Variants in PTX4 observed in about 807,000 individuals in gnomAD.
The protein encoded by PTX4 is pentraxin-4.
PTX4 carries 23 observed loss-of-function variants against 19.1 expected under a neutral mutation model. The observed-to-expected ratio is 1.20, with a 90% confidence interval of 0.87 to 1.70. The LOEUF (loss-of-function observed/expected upper bound fraction) is 1.70. Among genes scored for constraint, PTX4 ranks in the 40% most tolerant of loss-of-function variants. PTX4 has a pLI of 0.00. For missense variants in PTX4, 678 were observed against 610.5 expected (o/e 1.11, Z -1.17); for synonymous variants, 317 against 279.6 (o/e 1.13, Z -1.33).
chr16:1,486,367 A>G lies in PTX4; in HGVS notation c.1009T>C (p.Ser337Pro). The change falls in exon 3 of 3, where the codon TCC becomes CCC. Residue 337 changes from serine (S) to proline (P), a missense_variant. Transcript: ENST00000447419. The part of the protein sequence containing the change: ...LHGRDSLLPG[S>P]IHFVIGDPAF... ...GGGTCCCCGATCACGAAGTGGATGG[A>G]TCCGGGCAGCAGGGAGTCTCGGCCG... 2 of 1,613,874 alleles carry G rather than the reference A, an allele frequency of 1.2e-6. No homozygotes were observed. Among genetic ancestry groups the G allele is most frequent in the Non-Finnish European group, 8.5e-7 (1 of 1,179,970 alleles).
chr16:1,487,179 C>A (rs2039253485), intron 2 of PTX4, 137 bp downstream of exon 2: 3 of 815,808 alleles, frequency 3.7e-6, no homozygotes, highest in Admixed American at 3.6e-5. Flanking sequence ...TGGGCCACCC[C>A]CCCCGATGAT....
Position 1,486,185 on chromosome 16 carries a change from G to C in PTX4, c.1191C>G (p.Pro397=). Residue 397 remains proline, a synonymous_variant, in exon 3 of 3, where the codon CCC becomes CCG. Transcript: ENST00000447419. ...SRFREGYEIP[P]GGSLVLGQEQ... Reference sequence around the variant, plus strand: ...CCTGGCCCAGCACGAGGGACCCTCCGGGGGGGATCTCATAGCCCTCCCTGA... The same window carrying C: ...CCTGGCCCAGCACGAGGGACCCTCCCGGGGGGATCTCATAGCCCTCCCTGA... 3.1e-6 allele frequency: 5 copies of C among 1,613,428 alleles called. No homozygotes were observed. Among genetic ancestry groups the C allele is most frequent in the Middle Eastern group, 1.7e-4 (1 of 6,054 alleles).
In PTX4 at chr16:1,485,996, T is replaced by G; in HGVS notation, c.1380A>C (p.Ala460=). 6.2e-7 allele frequency: 1 copy of G among 1,613,362 alleles called. No homozygotes were observed. The highest frequency in any genetic ancestry group is 8.5e-7 in the Non-Finnish European group (1 of 1,179,966). Residue 460 remains alanine (A), a synonymous_variant, in exon 3 of 3, where the codon GCA becomes GCC. Coordinates refer to ENST00000447419, the MANE Select transcript of PTX4 (RefSeq NM_001328608.2). The stretch of plus-strand genomic sequence containing the variant: ...CCCCCTGCACAAATCCGCCTGCTAG[T>G]GCAGCATTGGCCAGCGTCAGGATGG... The part of the protein sequence containing the change: ...TGAILTLANA[A]LAGGFVQGAN...
At chr16:1,488,073 C>A in intron 1 of PTX4, 103 bp from the exon 2 acceptor site, 2 of 1,229,970 alleles carry the variant, frequency 1.6e-6, no homozygotes, top group South Asian at 2.9e-5. Flanking sequence ...GCCGCGTGCC[C>A]GGGCCACGGC....
chr16:1,487,112 C>T lies in PTX4; in HGVS notation c.796+204G>A, dbSNP rs114710845. Among the ~76,000 whole-genome samples the T allele has an allele frequency of 7.9e-3, 1,203 of 152,330 alleles. 27 individuals carry two copies. The highest frequency in any genetic ancestry group is 0.028 in the African/African-American group (1,145 of 41,582). On this transcript the variant is annotated intron_variant, in intron 2 of 2. Coordinates refer to ENST00000447419, the MANE Select transcript of PTX4 (RefSeq NM_001328608.2). ...CCCGCCACCTCTGCTTCTGCCCTCA[C>T]GCCCTCCTCTGACTGTGTTCCTCCT...
chr16:1,487,569 G>A lies in PTX4; in HGVS notation c.543C>T (p.Gly181=). The change falls in exon 2 of 3, where the codon GGC becomes GGT. Residue 181 remains glycine (G), a synonymous_variant. Coordinates refer to ENST00000447419, the MANE Select transcript of PTX4 (RefSeq NM_001328608.2). ...CCAGGGCCGGCCCGAGGGCTGCAGT[G>A]CCAGGGTGGGCCACGGGCAGCCGCC... ...LEGRLPVAHP[G]TAALGPALVP... 2 of 1,545,282 alleles carry A rather than the reference G, an allele frequency of 1.3e-6. No homozygotes were observed. The highest frequency in any genetic ancestry group is 1.7e-6 in the Non-Finnish European group (2 of 1,146,056).
intron 1 of PTX4, chr16:1,488,325 G>A (rs774540588): frequency 1.2e-6 from 2 of 1,610,784 alleles, no homozygotes; most frequent in East Asian, 2.2e-5. Context: ...GCTTTACGAG[G>A]CCCAAACAGG....
chr16:1,486,643 A>T, intron 2 of PTX4, 64 bp from the exon 3 acceptor site: 2 of 1,479,396 alleles, frequency 1.4e-6, no homozygotes, highest in Non-Finnish European at 1.8e-6. Flanking sequence ...CCAGAAGCAC[A>T]CGTGCTGTGG....
At position 1,488,833 on chromosome 16, in the gene PTX4, T is replaced by C. The variant is rs1436338476; in HGVS notation, c.77A>G (p.Gln26Arg). ...VPIYLHGASS[Q>R]EAAPVGPRKP... is the part of the protein sequence containing the mutation. ...CCTGGGCCCCACTGGGGCGGCTTCC[T>C]GCGATGAAGCCCCATGTAGATATAT... Residue 26 changes from glutamine to arginine, a missense_variant, in exon 1 of 3, where the codon CAG (glutamine) becomes CGG (arginine). Physicochemically the swap from Gln to Arg is conservative, Grantham distance 43. Transcript: ENST00000447419. 7.1e-6 allele frequency: 5 copies of C among 702,568 alleles called. No homozygotes were observed. In the Admixed American group the frequency reaches 1.0e-4, roughly 14 times the overall value. 43.5% of individuals were successfully genotyped at this position (702,568 alleles called of 1,614,324 possible). A position where few individuals can be genotyped will look rare whatever the true frequency, so the allele number is the denominator to read the frequency against.
rs372576163 is a variant in PTX4 at position 1,486,173 on chromosome 16, G to T, written c.1203C>A (p.Leu401=). Residue 401 remains leucine (L), a synonymous_variant, in exon 3 of 3, where the codon CTC becomes CTA. Coordinates refer to ENST00000447419, the MANE Select transcript of PTX4 (RefSeq NM_001328608.2). ...CGCTGTCTTGTTCCTGGCCCAGCAC[G>T]AGGGACCCTCCGGGGGGGATCTCAT... ...EGYEIPPGGS[L]VLGQEQDSVG... 2.5e-6 allele frequency: 4 copies of T among 1,614,020 alleles called. No homozygotes were observed. Among genetic ancestry groups the T allele is most frequent in the Non-Finnish European group, 3.4e-6 (4 of 1,179,972 alleles).
At position 1,488,005 on chromosome 16, in the gene PTX4, G is replaced by A. The variant is rs376746801; in HGVS notation, c.142-35C>T. ...GGACACGGTGATGATGGGGCGGGCCGGGCCGGGCCGGCTGGGCGGGACGGG... is the reference window on the plus strand; with the variant it reads ...GGACACGGTGATGATGGGGCGGGCCAGGCCGGGCCGGCTGGGCGGGACGGG... On this transcript the variant is annotated intron_variant, in intron 1 of 2. Coordinates refer to ENST00000447419, the MANE Select transcript of PTX4 (RefSeq NM_001328608.2). The A allele has an allele frequency of 1.2e-4, 176 of 1,528,260 alleles. No homozygotes were observed. The African/African-American group carries it at 1.2e-3, about 11-fold the overall frequency. The allele number at this position is 1,528,260 out of a possible 1,614,324, so 94.7% of individuals were successfully genotyped here.
chr16:1,486,947 G>A (rs2142423715), intron 2 of PTX4, among the ~76,000 whole-genome samples: 1 of 152,290 alleles, frequency 6.6e-6, no homozygotes, highest in East Asian at 1.9e-4. Flanking sequence ...CGGTCACAAG[G>A]CCAACACGGT....
intron 1 of PTX4, chr16:1,488,338 G>C: frequency 1.2e-6 from 2 of 1,612,230 alleles, no homozygotes; most frequent in Non-Finnish European, 8.5e-7. Context: ...CAAACAGGAA[G>C]CACCCAGCGC....
chr16:1,486,623 G>A, intron 2 of PTX4, 44 bp from the exon 3 acceptor site: 1 of 1,511,236 alleles, frequency 6.6e-7, no homozygotes, highest in South Asian at 1.3e-5. Context: ...AGGAGGCCGA[G>A]CAGAAGCATC....
intron 2 of PTX4, 95 bp from the exon 3 acceptor site, chr16:1,486,674 G>T: frequency 1.5e-6 from 2 of 1,319,150 alleles, no homozygotes; most frequent in Admixed American, 5.7e-5. Context: ...TCCCACTCCC[G>T]GCTGCCACCC....
chr16:1,488,728 A>G (rs1000025692), intron 1 of PTX4, 41 bp downstream of exon 1: 5 of 662,468 alleles, frequency 7.5e-6, no homozygotes, highest in African/African-American at 7.2e-5. Context: ...TCTGCTGCCA[A>G]TTTAAAAACC....
rs2039273778 is a variant in PTX4, at chr16:1,488,757, G to A, written c.141+12C>T. 3 of 692,360 alleles carry A rather than the reference G, an allele frequency of 4.3e-6. No individual in the cohort carries two copies. The highest frequency in any genetic ancestry group is 2.3e-4 in the Middle Eastern group (1 of 4,318). The allele number at this position is 692,360 out of a possible 1,614,324, so 42.9% of individuals were successfully genotyped here. ...AAAAACCCGACTGCGCCATGTCAGG[G>A]GTATAACTTGCCTGTTCCTCCAGCC... On this transcript the variant is annotated intron_variant, in intron 1 of 2. Coordinates refer to ENST00000447419, the MANE Select transcript of PTX4 (RefSeq NM_001328608.2).
At position 1,486,304 on chromosome 16, in the gene PTX4, C is replaced by G. The variant is rs139020235; in HGVS notation, c.1072G>C (p.Gly358Arg). 1 of 1,613,676 alleles carries G rather than the reference C, an allele frequency of 6.2e-7. No individual in the cohort carries two copies. The highest frequency in any genetic ancestry group is 2.2e-5 in the East Asian group (1 of 44,886). Residue 358 changes from glycine to arginine, a missense_variant, in exon 3 of 3, where the codon GGC (glycine) becomes CGC (arginine). Physicochemically the swap from Gly to Arg is moderately radical, Grantham distance 125. Transcript: ENST00000447419. ...ATGACACAGATGTGGTGCCACTGGCCGTCCAGCAGCAGCTGCAAGGGCAGC... is the reference window on the plus strand; with the variant it reads ...ATGACACAGATGTGGTGCCACTGGCGGTCCAGCAGCAGCTGCAAGGGCAGC... ...RELPLQLLLD[G>R]QWHHICVIWT...
rs750523302 is a variant in PTX4, at chr16:1,487,660, T to C, written c.452A>G (p.Gln151Arg). 1.2e-6 allele frequency: 2 copies of C among 1,600,026 alleles called. No homozygotes were observed. Among genetic ancestry groups the C allele is most frequent in the Non-Finnish European group, 1.7e-6 (2 of 1,171,286 alleles). The change falls in exon 2 of 3, where the codon CAG (glutamine) becomes CGG (arginine). Residue 151 changes from glutamine (Q) to arginine (R), a missense_variant. Coordinates refer to ENST00000447419, the MANE Select transcript of PTX4 (RefSeq NM_001328608.2). ...KAHKAQRDAL[Q>R]DSLARLEGLV... The stretch of plus-strand genomic sequence containing the variant: ...GCCCTCCAGGCGTGCCAGTGAGTCC[T>C]GCAGGGCGTCCCTCTGGGCCTTGTG...
Sources: gnomAD v4.1 joint callset for allele counts (sites outside exome capture counted in the v4.1 genomes callset) on GRCh38, gnomAD v4.1.1 for gene constraint, MANE v1.5 for transcripts, NCBI Gene and HGNC (gene_info 2026-07-23, HGNC 2026-07-21) for gene names.